ZNF618: variants seen among roughly 807,000 people sequenced by gnomAD.
ZNF618 encodes the protein zinc finger protein 618.
Under a neutral mutation model 103.0 loss-of-function variants are expected in ZNF618, and 34 were observed. The ratio of observed to expected loss-of-function variants is 0.33; its 90% CI spans 0.25 to 0.44. The LOEUF is 0.44. Among genes scored for constraint, ZNF618 ranks in the 20% least tolerant of loss-of-function variants. ZNF618 has a pLI of 1.00. For missense variants in ZNF618, 1,059 were observed against 1,295.4 expected (o/e 0.82, Z 2.80); for synonymous variants, 551 against 542.2 (o/e 1.02, Z -0.23).
intron 2 of ZNF618, among the ~76,000 whole-genome samples, chr9:113,977,351 T>C (rs1286109788): frequency 6.6e-6 from 1 of 152,192 alleles, no homozygotes; most frequent in Non-Finnish European, 1.5e-5. Flanking sequence ...AAAGGAGTAG[T>C]TGCTAAGTCA....
chr9:113,980,139 C>A (rs1292893484), intron 2 of ZNF618, among the ~76,000 whole-genome samples: 2 of 152,074 alleles, frequency 1.3e-5, no homozygotes, highest in African/African-American at 4.8e-5. Flanking sequence ...GTCTGGGCAG[C>A]AGGAGCTGGA....
chr9:114,036,673 C>G (rs940880803), intron 13 of ZNF618, among the ~76,000 whole-genome samples: 10 of 152,160 alleles, frequency 6.6e-5, no homozygotes, highest in African/African-American at 2.4e-4. Flanking sequence ...TCCTAAAGGC[C>G]AAGTAGGAGC....
At chr9:113,934,883 C>T (rs2131920636) in intron 1 of ZNF618, among the ~76,000 whole-genome samples, 1 of 152,324 alleles carries the variant, frequency 6.6e-6, no homozygotes, top group Admixed American at 6.5e-5. Context: ...CCTATTTGTA[C>T]AGCCTTTATG....
At chr9:113,991,024 C>T (rs868012404) in intron 3 of ZNF618, among the ~76,000 whole-genome samples, 27 of 152,322 alleles carry the variant, frequency 1.8e-4, no homozygotes, top group African/African-American at 6.5e-4. Flanking sequence ...TTCTGCCCTT[C>T]ACCAGGAGAT....
At chr9:113,972,623 G>A (rs778744744) in intron 2 of ZNF618, among the ~76,000 whole-genome samples, 1 of 152,136 alleles carries the variant, frequency 6.6e-6, no homozygotes, top group Non-Finnish European at 1.5e-5. Context: ...TAGGCTGGAG[G>A]CCTATCAAGA....
At position 114,054,577 on chromosome 9, in the gene ZNF618, C is replaced by G. The variant is rs1846345091; in HGVS notation, c.*4410C>G. 1 of 152,828 alleles carries G rather than the reference C, an allele frequency of 6.5e-6. No individual in the cohort carries two copies. The highest frequency in any genetic ancestry group is 1.5e-5 in the Non-Finnish European group (1 of 68,204). The allele number at this position is 152,828 out of a possible 1,614,324, so 9.5% of individuals were successfully genotyped here. A position where few individuals can be genotyped will look rare whatever the true frequency, so the allele number is the denominator to read the frequency against. On this transcript the variant is annotated 3_prime_UTR_variant, in exon 15 of 15. Coordinates refer to ENST00000374126, the MANE Select transcript of ZNF618 (RefSeq NM_001318042.2). ...CAGTAGTAGGTGGGAGCTCCTGTCC[C>G]CGCCAGCCCTGCTCCAGCCCCCGTG...
chr9:113,894,879 T>C (rs569918188), intron 1 of ZNF618, among the ~76,000 whole-genome samples: 2 of 152,176 alleles, frequency 1.3e-5, no homozygotes, highest in Non-Finnish European at 2.9e-5. Flanking sequence ...GGCAATAATA[T>C]CATATGCAAA....
rs6478053 is a variant in ZNF618 at position 114,053,691 on chromosome 9, T to C, written c.*3524T>C. The C allele has an allele frequency of 0.99, 150,389 of 152,274 alleles. 74,285 individuals carry two copies. Among genetic ancestry groups the C allele is most frequent in the Middle Eastern group, 1 (294 of 294 alleles). The allele number at this position is 152,274 out of a possible 1,614,324, so 9.4% of individuals were successfully genotyped here. ...GTCCACCAAGAGCATTGGTACCATC[T>C]GGGCCACGGGTGGATGCCTTTGTTC... On this transcript the variant is annotated 3_prime_UTR_variant, in exon 15 of 15. Coordinates refer to ENST00000374126, the MANE Select transcript of ZNF618 (RefSeq NM_001318042.2).
At position 114,049,783 on chromosome 9, in the gene ZNF618, C is replaced by T. The variant is rs1293597706; in HGVS notation, c.2481C>T (p.Gly827=). The T allele has an allele frequency of 6.2e-7, 1 of 1,613,880 alleles. No homozygotes were observed. Among genetic ancestry groups the T allele is most frequent in the African/African-American group, 1.3e-5 (1 of 74,942 alleles). The change falls in exon 15 of 15, where the codon GGC becomes GGT. Residue 827 remains glycine (G), a synonymous_variant. Transcript: ENST00000374126. ...VPPYQHEEII[G]KVCELINEVK... Reference sequence around the variant, plus strand: ...CCTACCAGCACGAGGAGATCATCGGCAAGGTCTGTGAGCTCATCAACGAGG... The same window carrying T: ...CCTACCAGCACGAGGAGATCATCGGTAAGGTCTGTGAGCTCATCAACGAGG...
chr9:113,915,946 T>G (rs1244669134), intron 1 of ZNF618, among the ~76,000 whole-genome samples: 1 of 152,202 alleles, frequency 6.6e-6, no homozygotes, highest in African/African-American at 2.4e-5. Flanking sequence ...AAATATTCGT[T>G]GAGTGAATGA....
At chr9:113,993,331 A>G (rs932386744) in intron 3 of ZNF618, among the ~76,000 whole-genome samples, 3 of 152,238 alleles carry the variant, frequency 2.0e-5, no homozygotes, top group East Asian at 1.9e-4. Flanking sequence ...ACATTGTCCA[A>G]TGATGCACCT....
intron 13 of ZNF618, among the ~76,000 whole-genome samples, chr9:114,044,283 A>G (rs1845469200): frequency 6.6e-6 from 1 of 151,954 alleles, no homozygotes; most frequent in South Asian, 2.1e-4. Flanking sequence ...ATTATCCCGC[A>G]CCATTTGTTG....
intron 1 of ZNF618, among the ~76,000 whole-genome samples, chr9:113,956,792 C>G (rs1779534412): frequency 6.6e-6 from 1 of 152,072 alleles, no homozygotes; most frequent in Non-Finnish European, 1.5e-5. Context: ...AAGACTTGCC[C>G]AAATTTTAAT....
rs1024428378 is a variant in ZNF618 at position 114,043,447 on chromosome 9, A to G, written c.1247-4446A>G. Reference sequence around the variant, plus strand: ...CCTAGTGCATGTGAAATGGCATTTCATTGTGGTTTTGATTTACATTTTTCT... The same window carrying G: ...CCTAGTGCATGTGAAATGGCATTTCGTTGTGGTTTTGATTTACATTTTTCT... On this transcript the variant is annotated intron_variant, in intron 13 of 14. Transcript: ENST00000374126. Among the ~76,000 whole-genome samples, 3 of 152,192 alleles carry G rather than the reference A, an allele frequency of 2.0e-5. No homozygotes were observed. In the South Asian group the frequency reaches 6.2e-4, roughly 31 times the overall value.
In ZNF618 at chr9:113,876,428, CG is replaced by C. The variant is rs977486205; in HGVS notation, c.33+20del. 6 of 1,200,404 alleles carry C rather than the reference CG, an allele frequency of 5.0e-6. No homozygotes were observed. The highest frequency in any genetic ancestry group is 3.5e-5 in the East Asian group (1 of 28,982). 74.4% of individuals were successfully genotyped at this position (1,200,404 alleles called of 1,614,324 possible). A position where few individuals can be genotyped will look rare whatever the true frequency, so the allele number is the denominator to read the frequency against. On this transcript the variant is annotated intron_variant, in intron 1 of 14. Coordinates refer to ENST00000374126, the MANE Select transcript of ZNF618 (RefSeq NM_001318042.2). ...CGGCTCCGCAGGTACGACGGGGGGC[CG>C]GGGGCATGCACCGCGCGGGGGACCC...
At chr9:113,917,412 A>AT (rs1200338204) in intron 1 of ZNF618, among the ~76,000 whole-genome samples, 1,519 of 140,270 alleles carry the variant, frequency 0.011, 26 homozygotes, top group African/African-American at 0.035. Context: ...ACACTCGTCT[A>AT]TTTTTTTTTT....
chr9:113,993,889 A>C (rs79522269), intron 3 of ZNF618, among the ~76,000 whole-genome samples: 7 of 26,820 alleles, frequency 2.6e-4, no homozygotes, highest in Non-Finnish European at 7.6e-4. Flanking sequence ...AGTCTCCAGG[A>C]GGGGATTTCA....
At chr9:113,976,642 C>A (rs1447060224) in intron 2 of ZNF618, among the ~76,000 whole-genome samples, 4 of 152,154 alleles carry the variant, frequency 2.6e-5, no homozygotes, top group Non-Finnish European at 4.4e-5. Context: ...GTGTGGGTCT[C>A]CCGTCTCTCC....
At position 114,050,044 on chromosome 9, in the gene ZNF618, G is replaced by A. The variant is rs556851530; in HGVS notation, c.2742G>A (p.Pro914=). 4.6e-5 allele frequency: 75 copies of A among 1,613,796 alleles called. No homozygotes were observed. The highest frequency in any genetic ancestry group is 8.0e-5 in the African/African-American group (6 of 75,042). The change falls in exon 15 of 15, where the codon CCG becomes CCA. Residue 914 remains proline (P), a synonymous_variant. Transcript: ENST00000374126. ...AKLAFWLLAV[P]AVGARSGCVN... ...TCGCCTTCTGGCTCCTGGCGGTTCC[G>A]GCCGTGGGCGCCAGAAGCGGGTGTG...
Sources: allele counts gnomAD v4.1 joint callset (sites outside exome capture counted in the v4.1 genomes callset), GRCh38; gene constraint gnomAD v4.1.1; transcripts MANE v1.5; gene names NCBI Gene and HGNC (gene_info 2026-07-23, HGNC 2026-07-21).